Variants in CCSER1 observed in about 807,000 individuals in gnomAD.
CCSER1 encodes the protein coiled-coil serine rich protein 1, also known as serine-rich coiled-coil domain-containing protein 1.
In CCSER1, 41 loss-of-function variants were observed where a neutral mutation model predicts 82.0. The observed-to-expected ratio is 0.50, with a 90% CI of 0.39 to 0.65. The LOEUF (loss-of-function observed/expected upper bound fraction) is 0.65. Ranked by LOEUF, CCSER1 falls within the 30% of genes least tolerant of loss-of-function variation. CCSER1 has a pLI of 0.00. For missense variants in CCSER1, 1,119 were observed against 1,064.2 expected, an observed-to-expected ratio of 1.05 and a Z score of -0.72; for synonymous variants, 414 against 383.9, an observed-to-expected ratio of 1.08 and a Z score of -0.92.
intron 5 of CCSER1, among the ~76,000 whole-genome samples, chr4:90,511,999 TAA>T (rs1336444238): frequency 1.3e-5 from 2 of 151,960 alleles, no homozygotes; most frequent in Non-Finnish European, 1.5e-5. Context: ...GAGGATGAGA[TAA>T]GAGGTACTGG....
chr4:91,051,596 C>G (rs758190408), intron 9 of CCSER1, among the ~76,000 whole-genome samples: 1 of 152,000 alleles, frequency 6.6e-6, no homozygotes. Context: ...GGGCAAAACA[C>G]TAAAAATGGA....
chr4:90,621,835 A>G (rs895268140), intron 5 of CCSER1, among the ~76,000 whole-genome samples: 22 of 152,216 alleles, frequency 1.4e-4, no homozygotes, highest in African/African-American at 5.1e-4. Context: ...TATCAGCACT[A>G]CGAGTCTCCT....
At chr4:90,768,087 A>C (rs1751517916) in intron 7 of CCSER1, among the ~76,000 whole-genome samples, 1 of 152,184 alleles carries the variant, frequency 6.6e-6, no homozygotes, top group African/African-American at 2.4e-5. Context: ...TGGAAGAAAT[A>C]AGTTGTCACT....
chr4:90,896,000 A>G (rs1723653246), intron 8 of CCSER1, among the ~76,000 whole-genome samples: 1 of 151,970 alleles, frequency 6.6e-6, no homozygotes, highest in South Asian at 2.1e-4. Context: ...TGGTTACTGC[A>G]GTGATTCCGG....
intron 10 of CCSER1, among the ~76,000 whole-genome samples, chr4:91,159,481 C>A (rs1257652763): frequency 6.6e-6 from 1 of 151,792 alleles, no homozygotes; most frequent in Admixed American, 6.6e-5. Flanking sequence ...TAGTAGTATA[C>A]ATGTCCTTTT....
Position 91,599,777 on chromosome 4 carries a change from T to C in CCSER1, c.*720T>C, listed in dbSNP as rs1316988921. ...AAAATTTTGCTTTTAGTTTTTGTTA[T>C]TGATGTTGAAGTACCGTGACATAAC... On this transcript the variant is annotated 3_prime_UTR_variant, in exon 11 of 11. Transcript: ENST00000509176. The C allele has an allele frequency of 6.6e-6, 1 of 152,166 alleles. No individual in the cohort carries two copies. The highest frequency in any genetic ancestry group is 6.6e-5 in the Admixed American group (1 of 15,258). 9.4% of individuals were successfully genotyped at this position (152,166 alleles called of 1,614,324 possible). A position where few individuals can be genotyped will look rare whatever the true frequency, so the allele number is the denominator to read the frequency against.
At position 91,430,571 on chromosome 4, in the gene CCSER1, A is replaced by G. The variant is rs145356473; in HGVS notation, c.2218-168001A>G. 1.9e-4 allele frequency among the ~76,000 whole-genome samples: 29 copies of G among 152,382 alleles called. No individual in the cohort carries two copies. In the East Asian group the frequency reaches 4.8e-3, roughly 25 times the overall value. ...GCACCCAATTTATTGCTGAAAGAATATTAAAGGTGTTATTTAGTTCTCAAT... is the reference window on the plus strand; with the variant it reads ...GCACCCAATTTATTGCTGAAAGAATGTTAAAGGTGTTATTTAGTTCTCAAT... On this transcript the variant is annotated intron_variant, in intron 10 of 10. Transcript: ENST00000509176.
At chr4:90,311,293 C>T (rs1022796374) in intron 2 of CCSER1, among the ~76,000 whole-genome samples, 4 of 152,044 alleles carry the variant, frequency 2.6e-5, no homozygotes, top group Admixed American at 2.0e-4. Context: ...TGACTTTCCT[C>T]AAAGCCTAAT....
chr4:91,598,813 A>C lies in CCSER1; in HGVS notation c.2459A>C (p.Asn820Thr). ...ACCCTCACTTCAGACGTTACACAGA[A>C]CTTACGGGCCACCGTTGGGCAGAGC... ...YETLTSDVTQ[N>T]LRATVGQSSL... The change falls in exon 11 of 11, where the codon AAC becomes ACC. Residue 820 changes from asparagine to threonine, a missense_variant. Transcript: ENST00000509176. The C allele has an allele frequency of 6.4e-7, 1 of 1,551,638 alleles. No homozygotes were observed. Among genetic ancestry groups the C allele is most frequent in the Non-Finnish European group, 8.7e-7 (1 of 1,146,926 alleles).
intron 10 of CCSER1, among the ~76,000 whole-genome samples, chr4:91,430,066 T>C (rs1466371901): frequency 6.6e-6 from 1 of 152,048 alleles, no homozygotes; most frequent in Non-Finnish European, 1.5e-5. Context: ...ACATCTTATG[T>C]TGGAAAATAA....
chr4:91,168,101 C>T (rs559992956), intron 10 of CCSER1, among the ~76,000 whole-genome samples: 18 of 149,560 alleles, frequency 1.2e-4, no homozygotes, highest in South Asian at 4.3e-4. Context: ...TCTGCCCAGC[C>T]CCCCCGTCTG....
intron 6 of CCSER1, among the ~76,000 whole-genome samples, chr4:90,630,239 A>G (rs17017323): frequency 0.029 from 4,353 of 152,178 alleles, 201 homozygotes; most frequent in African/African-American, 0.1. Flanking sequence ...TTTGAACAAG[A>G]CAAACTTAGT....
rs1352220300 is a variant in CCSER1 at position 90,629,113 on chromosome 4, A to G, written c.1932+881A>G. Among the ~76,000 whole-genome samples, 10 of 152,310 alleles carry G rather than the reference A, an allele frequency of 6.6e-5. 1 individual carries two copies. Among genetic ancestry groups the G allele is most frequent in the Non-Finnish European group, 7.3e-5 (5 of 68,034 alleles). On this transcript the variant is annotated intron_variant, in intron 6 of 10. Coordinates refer to ENST00000509176, the MANE Select transcript of CCSER1 (RefSeq NM_001145065.2). The stretch of plus-strand genomic sequence containing the variant: ...TTATTATTTAGAATTAATGGTCCCT[A>G]TGTTATAATGATTGCTAATATTTGC...
At chr4:91,355,391 A>G (rs536418795) in intron 10 of CCSER1, among the ~76,000 whole-genome samples, 3 of 152,062 alleles carry the variant, frequency 2.0e-5, no homozygotes, top group Non-Finnish European at 4.4e-5. Context: ...TTTATTTTAA[A>G]AACTGTGATC....
In CCSER1 at chr4:91,603,676, A is replaced by ATCTT. The variant is rs1247011435; in HGVS notation, c.*4622_*4625dup. On this transcript the variant is annotated 3_prime_UTR_variant, in exon 11 of 11. Coordinates refer to ENST00000509176, the MANE Select transcript of CCSER1 (RefSeq NM_001145065.2). ...AAATTCAAGAATAGGAGCATCCTAC[A>ATCTT]TCTTTCATTCTTTCCAAACATTACC... is the stretch of plus-strand genomic sequence containing the variant. 3 of 152,230 alleles carry ATCTT rather than the reference A, an allele frequency of 2.0e-5. No homozygotes were observed. In the East Asian group the frequency reaches 5.8e-4, roughly 29 times the overall value. 9.4% of individuals were successfully genotyped at this position (152,230 alleles called of 1,614,324 possible).
intron 10 of CCSER1, among the ~76,000 whole-genome samples, chr4:91,185,021 T>G (rs1425947593): frequency 6.6e-6 from 1 of 152,330 alleles, no homozygotes; most frequent in South Asian, 2.1e-4. Context: ...CAACTCCAAC[T>G]ATGTTAAATT....
chr4:91,112,309 T>C (rs1275122869), intron 10 of CCSER1, among the ~76,000 whole-genome samples: 2 of 152,076 alleles, frequency 1.3e-5, no homozygotes, highest in East Asian at 3.8e-4. Context: ...TTTTTCTGAG[T>C]AATCTCATAC....
chr4:91,564,604 G>T (rs1029989308), intron 10 of CCSER1, among the ~76,000 whole-genome samples: 2 of 151,844 alleles, frequency 1.3e-5, no homozygotes, highest in East Asian at 3.9e-4. Flanking sequence ...GTGTGAGATG[G>T]TGTCTTATTG....
At position 90,179,878 on chromosome 4, in the gene CCSER1, C is replaced by A. The variant is rs1035358949; in HGVS notation, c.-42+52047C>A. ...AACCTTTCATGGTTTTGTTTCTATG[C>A]GGATTTGGAACTTTCATGGTTTTGT... On this transcript the variant is annotated intron_variant, in intron 1 of 10. Transcript: ENST00000509176. 2.0e-5 allele frequency among the ~76,000 whole-genome samples: 3 copies of A among 151,892 alleles called. No individual in the cohort carries two copies. The South Asian group carries it at 6.2e-4, about 31-fold the overall frequency.
Sources: gnomAD v4.1 joint callset for allele counts (sites outside exome capture counted in the v4.1 genomes callset) on GRCh38, gnomAD v4.1.1 for gene constraint, MANE v1.5 for transcripts, NCBI Gene and HGNC (gene_info 2026-07-23, HGNC 2026-07-21) for gene names.